Variants in NUGGC observed in about 807,000 individuals in gnomAD.
NUGGC encodes the protein nuclear GTPase SLIP-GC.
A neutral mutation model predicts 92.6 loss-of-function variants in NUGGC; 58 were observed. That is an observed-to-expected ratio of 0.63 (90% confidence interval 0.51 to 0.78). The LOEUF is 0.78. NUGGC is among the 30% of genes least tolerant of loss of function. NUGGC has a pLI of 0.00. For synonymous variants in NUGGC, 376 were observed against 366.4 expected, an observed-to-expected ratio of 1.03 and a Z score of -0.30; for missense variants, 925 against 964.6, an observed-to-expected ratio of 0.96 and a Z score of 0.54.
chr8:28,058,058 G>A (rs1350956824), intron 9 of NUGGC, among the ~76,000 whole-genome samples, 200 bp downstream of exon 9: 1 of 152,074 alleles, frequency 6.6e-6, no homozygotes, highest in African/African-American at 2.4e-5. Flanking sequence ...CAGGCATGAT[G>A]GTGGGTACCT....
chr8:28,050,477 G>A (rs1482815732), intron 10 of NUGGC, among the ~76,000 whole-genome samples: 1 of 152,228 alleles, frequency 6.6e-6, no homozygotes, highest in South Asian at 2.1e-4. Flanking sequence ...GAATCAGAAA[G>A]GATATAGTAA....
At position 28,041,037 on chromosome 8, in the gene NUGGC, GA is replaced by G; in HGVS notation, c.1611+13del. The G allele has an allele frequency of 6.3e-7, 1 of 1,588,728 alleles. No individual in the cohort carries two copies. The highest frequency in any genetic ancestry group is 1.8e-5 in the Admixed American group (1 of 57,050). On this transcript the variant is annotated intron_variant, in intron 13 of 18. Coordinates refer to ENST00000413272, the MANE Select transcript of NUGGC (RefSeq NM_001010906.2). Reference sequence around the variant, plus strand: ...TCCTGGAATATCTGAGTTTTCCCTGGAAGGGTCACTCACCACCAAGCATGCT... The same window carrying G: ...TCCTGGAATATCTGAGTTTTCCCTGGAGGGTCACTCACCACCAAGCATGCT...
chr8:28,040,852 G>A (rs534561110), intron 13 of NUGGC, among the ~76,000 whole-genome samples, 199 bp downstream of exon 13: 101 of 152,200 alleles, frequency 6.6e-4, no homozygotes, highest in Middle Eastern at 6.8e-3. Context: ...TCACCATGTT[G>A]GCCAGGATGG....
intron 10 of NUGGC, among the ~76,000 whole-genome samples, chr8:28,051,372 C>T (rs549557356): frequency 2.5e-4 from 38 of 152,172 alleles, no homozygotes; most frequent in South Asian, 2.3e-3. Context: ...AAGCTATGAG[C>T]TCATTATGAT....
chr8:28,033,713 T>C lies in NUGGC; in HGVS notation c.1612-16A>G, dbSNP rs372244861. 13 of 1,612,348 alleles carry C rather than the reference T, an allele frequency of 8.1e-6. No individual in the cohort carries two copies. Among genetic ancestry groups the C allele is most frequent in the Non-Finnish European group, 1.1e-5 (13 of 1,178,890 alleles). ...CTTTACTCCTCTAGACAATCAACAA[T>C]AAATTAGCAGAGTTAGGCATTAACT... On this transcript the variant is annotated splice_polypyrimidine_tract_variant and intron_variant, in intron 13 of 18. Transcript: ENST00000413272.
intron 6 of NUGGC, among the ~76,000 whole-genome samples, 168 bp from the exon 7 acceptor site, chr8:28,064,899 G>C (rs1431728727): frequency 6.6e-6 from 1 of 152,152 alleles, no homozygotes; most frequent in Non-Finnish European, 1.5e-5. Context: ...GAGCCAGGAA[G>C]GACCCTGGAG....
chr8:28,083,111 A>G (rs1449061781), intron 1 of NUGGC, among the ~76,000 whole-genome samples: 1 of 152,210 alleles, frequency 6.6e-6, no homozygotes, highest in Non-Finnish European at 1.5e-5. Context: ...TGTGCTGTGC[A>G]TAGCAGCTTC....
chr8:28,027,103 G>C lies in NUGGC; in HGVS notation c.2155-51C>G. On this transcript the variant is annotated intron_variant, in intron 17 of 18. Coordinates refer to ENST00000413272, the MANE Select transcript of NUGGC (RefSeq NM_001010906.2). ...TTAGGATGGTGCAGCCCAAGGAAAA[G>C]TGGATCTTATAAAAGGGACCCCACC... The C allele has an allele frequency of 3.5e-6, 5 of 1,429,350 alleles. No individual in the cohort carries two copies. In the South Asian group the frequency reaches 5.7e-5, roughly 16 times the overall value. 88.5% of individuals were successfully genotyped at this position (1,429,350 alleles called of 1,614,324 possible).
At chr8:28,045,427 T>C in intron 12 of NUGGC, 100 bp downstream of exon 12, 1 of 1,170,472 alleles carries the variant, frequency 8.5e-7, no homozygotes, top group Non-Finnish European at 1.2e-6. Context: ...CTTCCTTTAA[T>C]ATGAAAAGAA....
At chr8:28,066,188 T>C (rs931485836) in intron 6 of NUGGC, among the ~76,000 whole-genome samples, 2 of 152,268 alleles carry the variant, frequency 1.3e-5, no homozygotes, top group African/African-American at 4.8e-5. Context: ...CAACTAGTTT[T>C]GTAATCATTG....
In NUGGC at chr8:28,045,608, C is replaced by G; in HGVS notation, c.1365G>C (p.Lys455Asn). Residue 455 changes from lysine (K) to asparagine (N), a missense_variant, in exon 12 of 19, where the codon AAG becomes AAC. By Grantham distance (94) the Lys-to-Asn change is moderately conservative (BLOSUM62 0). Transcript: ENST00000413272. Reference protein sequence around the residue: ...YIRKSLLDKKKRTVTKYVTEA... With the variant: ...YIRKSLLDKKNRTVTKYVTEA... The stretch of plus-strand genomic sequence containing the variant: ...CAGTCACATACTTGGTCACTGTCCT[C>G]TTCTTCTTGTCCAAGAGGCTCTTCC... 6.2e-7 allele frequency: 1 copy of G among 1,613,064 alleles called. No homozygotes were observed. The highest frequency in any genetic ancestry group is 8.5e-7 in the Non-Finnish European group (1 of 1,179,570).
At chr8:28,063,443 C>G (rs1294120641) in intron 7 of NUGGC, among the ~76,000 whole-genome samples, 1 of 152,206 alleles carries the variant, frequency 6.6e-6, no homozygotes, top group East Asian at 1.9e-4. Context: ...GCGATTTCCA[C>G]CCCAGGATCC....
At chr8:28,034,180 T>C (rs1403545285) in intron 13 of NUGGC, among the ~76,000 whole-genome samples, 1 of 152,246 alleles carries the variant, frequency 6.6e-6, no homozygotes, top group African/African-American at 2.4e-5. Context: ...ATAGTCCAGA[T>C]TTCATAAACT....
At chr8:28,024,771 C>T (rs1054229953) in intron 18 of NUGGC, among the ~76,000 whole-genome samples, 1 of 152,290 alleles carries the variant, frequency 6.6e-6, no homozygotes, top group South Asian at 2.1e-4. Context: ...CCCTTCTCCC[C>T]ACTGCCTCTG....
At chr8:28,040,151 C>T (rs1809655596) in intron 13 of NUGGC, among the ~76,000 whole-genome samples, 1 of 152,110 alleles carries the variant, frequency 6.6e-6, no homozygotes, top group African/African-American at 2.4e-5. Flanking sequence ...TTCAGGCCAC[C>T]CAGTCTATAG....
intron 8 of NUGGC, among the ~76,000 whole-genome samples, chr8:28,059,902 T>A (rs1585586666): frequency 6.6e-6 from 1 of 151,908 alleles, no homozygotes; most frequent in South Asian, 2.1e-4. Flanking sequence ...GCGCCTGTAA[T>A]CCCAGCCACT....
intron 18 of NUGGC, among the ~76,000 whole-genome samples, chr8:28,024,195 C>CTTTTTTTTTTTTTTT (rs763885790): frequency 2.4e-5 from 3 of 124,030 alleles, no homozygotes; most frequent in East Asian, 2.5e-4. Flanking sequence ...TAAATTCTTT[C>CTTTTTTTTTTTTTTT]TTTTTTTTTT....
At chr8:28,067,783 G>A in intron 5 of NUGGC, 39 bp from the exon 6 acceptor site, 3 of 1,506,798 alleles carry the variant, frequency 2.0e-6, no homozygotes, top group Non-Finnish European at 2.8e-6. Context: ...TCTTGACACA[G>A]ACACAGAGAA....
chr8:28,059,236 C>T (rs1810230396), intron 8 of NUGGC, among the ~76,000 whole-genome samples: 1 of 152,128 alleles, frequency 6.6e-6, no homozygotes, highest in African/African-American at 2.4e-5. Context: ...GCATCCGTGA[C>T]ATCACATCCC....
Sources: gnomAD v4.1 joint callset for allele counts (sites outside exome capture counted in the v4.1 genomes callset) on GRCh38, gnomAD v4.1.1 for gene constraint, MANE v1.5 for transcripts, NCBI Gene and HGNC (gene_info 2026-07-23, HGNC 2026-07-21) for gene names.